Variants in CCDC181 observed in about 807,000 individuals in gnomAD.
CCDC181 encodes the protein coiled-coil domain containing 181.
In CCDC181, 35 loss-of-function variants were observed where a neutral mutation model predicts 58.7. The ratio of observed to expected loss-of-function variants is 0.60; its 90% confidence interval spans 0.46 to 0.79. The LOEUF is 0.79. CCDC181 is among the 30% of genes least tolerant of loss of function. The pLI is 0.00. For missense variants in CCDC181, 517 were observed against 583.9 expected (o/e 0.89, Z 1.18); for synonymous variants, 183 against 197.5 (o/e 0.93, Z 0.62).
chr1:169,438,506 A>G (rs987623888), intron 2 of CCDC181, among the ~76,000 whole-genome samples: 4 of 152,218 alleles, frequency 2.6e-5, no homozygotes, highest in Non-Finnish European at 5.9e-5. Context: ...CAGTTTTGCA[A>G]GATGCTGCCC....
intron 2 of CCDC181, among the ~76,000 whole-genome samples, chr1:169,432,498 T>C: frequency 6.6e-6 from 1 of 152,052 alleles, no homozygotes; most frequent in East Asian, 1.9e-4. Flanking sequence ...CTCAATGTAC[T>C]CCAAGTAGTA....
intron 4 of CCDC181, among the ~76,000 whole-genome samples, chr1:169,402,287 A>T (rs896664403): frequency 1.8e-4 from 27 of 152,328 alleles, no homozygotes; most frequent in African/African-American, 6.3e-4. Flanking sequence ...CAACATTCAA[A>T]TTCAGGAAAT....
intron 4 of CCDC181, among the ~76,000 whole-genome samples, chr1:169,401,547 G>C (rs1655348815): frequency 6.6e-6 from 1 of 152,224 alleles, no homozygotes; most frequent in Non-Finnish European, 1.5e-5. Flanking sequence ...AGGGTCTGGA[G>C]TGGACCTCCA....
chr1:169,426,651 A>T (rs1656724500), intron 1 of CCDC181, among the ~76,000 whole-genome samples: 1 of 152,216 alleles, frequency 6.6e-6, no homozygotes, highest in Admixed American at 6.5e-5. Context: ...CCCATCTTAC[A>T]GCGTTTTAAA....
intron 4 of CCDC181, among the ~76,000 whole-genome samples, chr1:169,411,397 T>C (rs1203626327): frequency 6.6e-6 from 1 of 152,160 alleles, no homozygotes; most frequent in African/African-American, 2.4e-5. Context: ...CAGTAATTAA[T>C]AGCCTACCAA....
intron 4 of CCDC181, among the ~76,000 whole-genome samples, chr1:169,407,022 G>A (rs1027563028): frequency 7.0e-6 from 1 of 143,602 alleles, no homozygotes; most frequent in African/African-American, 2.6e-5. Flanking sequence ...CGTAAAATTG[G>A]ATTTCCAGAA....
At chr1:169,410,049 T>G (rs1016909676) in intron 4 of CCDC181, among the ~76,000 whole-genome samples, 1 of 152,132 alleles carries the variant, frequency 6.6e-6, no homozygotes, top group Non-Finnish European at 1.5e-5. Context: ...TGACCTTTAC[T>G]GTAAACGGGA....
At chr1:169,423,341 G>A (rs1252473649) in intron 2 of CCDC181, among the ~76,000 whole-genome samples, 1 of 151,798 alleles carries the variant, frequency 6.6e-6, no homozygotes, top group Non-Finnish European at 1.5e-5. Flanking sequence ...TGTTTCTCTA[G>A]TTGACTCTTT....
intron 3 of CCDC181, 115 bp downstream of exon 3, chr1:169,421,248 A>C: frequency 1.4e-6 from 1 of 738,136 alleles, no homozygotes; most frequent in African/African-American, 1.8e-5. Context: ...CAATAGATAA[A>C]TAAAGCAATC....
At chr1:169,459,905 G>GAAAAAAAAAAAAAAA in intron 1 of CCDC181, 1 of 75,182 alleles carries the variant, frequency 1.3e-5, no homozygotes, top group Non-Finnish European at 2.6e-5. Context: ...TTGAAATTAG[G>GAAAAAAAAAAAAAAA]AAAAAAAAAA....
rs181341283 is a variant in CCDC181 at position 169,419,833 on chromosome 1, G to C, written c.1069-674C>G. 6.0e-4 allele frequency among the ~76,000 whole-genome samples: 91 copies of C among 152,284 alleles called. 1 individual carries two copies. The highest frequency in any genetic ancestry group is 2.2e-3 in the African/African-American group (90 of 41,564). On this transcript the variant is annotated intron_variant, in intron 3 of 5. Coordinates refer to ENST00000367806, the MANE Select transcript of CCDC181 (RefSeq NM_001300969.2). ...GCACTGATAACGGAGTTGCCAAAGA[G>C]AACACTGAAATGATGCACTTAGGTT...
At chr1:169,395,829 T>TTGTGTG (rs140900103) in intron 5 of CCDC181, 1 of 149,082 alleles carries the variant, frequency 6.7e-6, no homozygotes, top group African/African-American at 2.4e-5. Flanking sequence ...TGTGGTATGT[T>TTGTGTG]TGTGTGTGTG....
chr1:169,446,573 G>A (rs1420720451), intron 2 of CCDC181, among the ~76,000 whole-genome samples: 1 of 152,106 alleles, frequency 6.6e-6, no homozygotes, highest in African/African-American at 2.4e-5. Flanking sequence ...CATGGGTTCT[G>A]CATCTGCAGA....
At chr1:169,397,145 A>C in intron 5 of CCDC181, 92 bp downstream of exon 5, 1 of 1,213,640 alleles carries the variant, frequency 8.2e-7, no homozygotes, top group African/African-American at 1.5e-5. Context: ...AAACATTTTG[A>C]GGGTTTTTTT....
At position 169,441,798 on chromosome 1, in the gene CCDC181, C is replaced by T. The variant is rs1287789169; in HGVS notation, c.-23-16848G>A. Among the ~76,000 whole-genome samples, 27 of 151,936 alleles carry T rather than the reference C, an allele frequency of 1.8e-4. 1 individual carries two copies. Among genetic ancestry groups the T allele is most frequent in the Non-Finnish European group, 3.8e-4 (26 of 67,932 alleles). On this transcript the variant is annotated intron_variant, in intron 2 of 6. Coordinates refer to the CCDC181 transcript ENST00000545005. ...AAAAATGTATTTAGAATTTATGACT[C>T]ATCAAGGACTATGAGATTTTACAAA...
intron 4 of CCDC181, among the ~76,000 whole-genome samples, chr1:169,412,227 C>T (rs953271120): frequency 1.3e-5 from 2 of 152,076 alleles, no homozygotes; most frequent in Admixed American, 6.6e-5. Context: ...CATTACGATA[C>T]AGCAGTAGTA....
chr1:169,431,613 G>C (rs1035805129), upstream of CCDC181, among the ~76,000 whole-genome samples: 108 of 152,164 alleles, frequency 7.1e-4, 1 homozygote, highest in Non-Finnish European at 1.3e-4. Flanking sequence ...TCAAGGGAAG[G>C]CTTGGACAGA....
At chr1:169,430,305 T>C (rs962162072), upstream of CCDC181, among the ~76,000 whole-genome samples, 2 of 152,058 alleles carry the variant, frequency 1.3e-5, no homozygotes, top group African/African-American at 4.8e-5. Context: ...AATTTGAGGG[T>C]TGTTTTTTCT....
chr1:169,457,398 C>T (rs1406966610), intron 2 of CCDC181, among the ~76,000 whole-genome samples: 1 of 152,052 alleles, frequency 6.6e-6, no homozygotes, highest in Non-Finnish European at 1.5e-5. Context: ...ATCTTAACCT[C>T]TTCTTATATT....
Sources: gnomAD v4.1 joint callset for allele counts (sites outside exome capture counted in the v4.1 genomes callset) on GRCh38, gnomAD v4.1.1 for gene constraint, MANE v1.5 for transcripts, NCBI Gene and HGNC (gene_info 2026-07-23, HGNC 2026-07-21) for gene names.